RWDD1: variants seen among roughly 807,000 people sequenced by gnomAD.
RWDD1 encodes the protein RWD domain containing 1, also known as RWD domain-containing protein 1.
A neutral mutation model predicts 31.6 loss-of-function variants in RWDD1; 17 were observed. The observed-to-expected ratio is 0.54, with a 90% CI of 0.37 to 0.81. The LOEUF (loss-of-function observed/expected upper bound fraction) is 0.81, where lower values mean the gene tolerates loss of function less well. Ranked by LOEUF, RWDD1 falls within the 30% of genes least tolerant of loss-of-function variation. The pLI is 0.00. For synonymous variants in RWDD1, 78 were observed against 94.2 expected (o/e 0.83, Z 0.99); for missense variants, 204 against 274.5 (o/e 0.74, Z 1.82).
chr6:116,580,805 T>C (rs1774935088), intron 2 of RWDD1, among the ~76,000 whole-genome samples: 1 of 152,074 alleles, frequency 6.6e-6, no homozygotes, highest in South Asian at 2.1e-4. Context: ...TGTCTGCATG[T>C]TTCTGTCTCT....
In RWDD1 at chr6:116,578,468, A is replaced by C. The variant is rs1478513557; in HGVS notation, c.74-1827A>C. Among the ~76,000 whole-genome samples, 5 of 152,324 alleles carry C rather than the reference A, an allele frequency of 3.3e-5. No homozygotes were observed. The South Asian group carries it at 1.0e-3, about 32-fold the overall frequency. ...CAGTAAATGTTACCTGTTGTAATTG[A>C]GTATTGGTTACCCCTGACCTATAGC... On this transcript the variant is annotated intron_variant, in intron 1 of 6. Coordinates refer to ENST00000466444, the MANE Select transcript of RWDD1 (RefSeq NM_015952.4).
At chr6:116,583,313 G>A (rs994990659) in intron 2 of RWDD1, among the ~76,000 whole-genome samples, 1 of 152,106 alleles carries the variant, frequency 6.6e-6, no homozygotes, top group South Asian at 2.1e-4. Context: ...TATTTTTAAA[G>A]TTCCCTTTAA....
chr6:116,577,670 C>T (rs1774874149), intron 1 of RWDD1, among the ~76,000 whole-genome samples: 1 of 151,972 alleles, frequency 6.6e-6, no homozygotes, highest in South Asian at 2.1e-4. Context: ...CCATTGCTGC[C>T]GACCTAGTTC....
At chr6:116,579,842 G>A (rs1295605949) in intron 1 of RWDD1, among the ~76,000 whole-genome samples, 1 of 152,034 alleles carries the variant, frequency 6.6e-6, no homozygotes, top group Non-Finnish European at 1.5e-5. Context: ...TTAACAAATC[G>A]GTATTTACTG....
chr6:116,581,195 T>C (rs1443986545), intron 2 of RWDD1, among the ~76,000 whole-genome samples: 1 of 152,088 alleles, frequency 6.6e-6, no homozygotes, highest in East Asian at 1.9e-4. Context: ...TTTTGCAGAT[T>C]GGTATCTAAA....
chr6:116,572,366 C>T (rs1774754252), intron 1 of RWDD1: 1 of 152,312 alleles, frequency 6.6e-6, no homozygotes, highest in African/African-American at 2.4e-5. Flanking sequence ...GAGTTAGCGG[C>T]AGGGCTGGTA....
rs1775241569 is a variant in RWDD1 at position 116,596,544 on chromosome 6, T to G, written c.*3443T>G. ...GTCATAAAAATAGCCAATGATGTTT[T>G]TAATTTTACATCTAAAACTAATTTG... On this transcript the variant is annotated 3_prime_UTR_variant, in exon 7 of 7. Transcript: ENST00000466444. 6.6e-6 allele frequency: 1 copy of G among 152,226 alleles called. No homozygotes were observed. Among genetic ancestry groups the G allele is most frequent in the South Asian group, 2.1e-4 (1 of 4,836 alleles). The allele number at this position is 152,226 out of a possible 1,614,324, so 9.4% of individuals were successfully genotyped here. A position where few individuals can be genotyped will look rare whatever the true frequency, so the allele number is the denominator to read the frequency against.
At chr6:116,580,555 A>AATAT (rs1302576843) in intron 2 of RWDD1, among the ~76,000 whole-genome samples, 195 bp downstream of exon 2, 1 of 152,174 alleles carries the variant, frequency 6.6e-6, no homozygotes, top group Non-Finnish European at 1.5e-5. Flanking sequence ...AAATTAATGA[A>AATAT]ATATAGTCTG....
rs1775203197 is a variant in RWDD1, at chr6:116,594,142, T to TGAG, written c.*1042_*1043insAGG. ...TTTTTTTTTTTTTTTAAACTAGCTT[T>TGAG]GGTGGGAACTCCCTCACCCCTGCTC... On this transcript the variant is annotated 3_prime_UTR_variant, in exon 7 of 7. Transcript: ENST00000466444. 1 of 150,838 alleles carries TGAG rather than the reference T, an allele frequency of 6.6e-6. No individual in the cohort carries two copies. Among genetic ancestry groups the TGAG allele is most frequent in the African/African-American group, 2.4e-5 (1 of 40,880 alleles). The allele number at this position is 150,838 out of a possible 1,614,324, so 9.3% of individuals were successfully genotyped here.
At chr6:116,576,403 A>G (rs1774841499) in intron 1 of RWDD1, among the ~76,000 whole-genome samples, 1 of 151,958 alleles carries the variant, frequency 6.6e-6, no homozygotes, top group South Asian at 2.1e-4. Flanking sequence ...CATCTCTAAC[A>G]TTTTGGCCTC....
intron 1 of RWDD1, among the ~76,000 whole-genome samples, chr6:116,573,411 G>A (rs151024625): frequency 6.6e-6 from 1 of 152,104 alleles, no homozygotes; most frequent in African/African-American, 2.4e-5. Context: ...CAGGTATTCT[G>A]CATTATCAGA....
At chr6:116,575,887 A>C (rs1021352655) in intron 1 of RWDD1, among the ~76,000 whole-genome samples, 1 of 152,222 alleles carries the variant, frequency 6.6e-6, no homozygotes, top group Non-Finnish European at 1.5e-5. Flanking sequence ...GCAGTTTCTT[A>C]AGGAAATTTC....
rs1469531555 is a variant in RWDD1 at position 116,595,130 on chromosome 6, TA to T, written c.*2031del. 2 of 152,170 alleles carry T rather than the reference TA, an allele frequency of 1.3e-5. No homozygotes were observed. Among genetic ancestry groups the T allele is most frequent in the Non-Finnish European group, 1.5e-5 (1 of 68,026 alleles). The allele number at this position is 152,170 out of a possible 1,614,324, so 9.4% of individuals were successfully genotyped here. On this transcript the variant is annotated 3_prime_UTR_variant, in exon 7 of 7. Coordinates refer to ENST00000466444, the MANE Select transcript of RWDD1 (RefSeq NM_015952.4). ...AAGAACCTGGAAGAAGCTGCTCAAT[TA>T]AGGTTAAAAAAAATAAAAAGCAATT...
intron 2 of RWDD1, among the ~76,000 whole-genome samples, chr6:116,583,515 T>C (rs969539221): frequency 1.3e-5 from 2 of 152,036 alleles, no homozygotes; most frequent in African/African-American, 4.8e-5. Context: ...AGAGGTGATC[T>C]TAAGTGTTCT....
At chr6:116,573,488 G>A (rs1335401528) in intron 1 of RWDD1, among the ~76,000 whole-genome samples, 1 of 152,138 alleles carries the variant, frequency 6.6e-6, no homozygotes, top group Non-Finnish European at 1.5e-5. Context: ...TTAAAATGAG[G>A]TGTCTTTATT....
Position 116,572,737 on chromosome 6 carries a change from A to AT in RWDD1, c.73+1083dup, listed in dbSNP as rs1323406993. 9.7e-6 allele frequency: 4 copies of AT among 413,142 alleles called. No homozygotes were observed. The East Asian group carries it at 4.8e-4, about 50-fold the overall frequency. 25.6% of individuals were successfully genotyped at this position (413,142 alleles called of 1,614,324 possible). A position where few individuals can be genotyped will look rare whatever the true frequency, so the allele number is the denominator to read the frequency against. ...ATAGTCAGAATTTATAGTGTAAGGT[A>AT]TATTACTTTAACTTATAAATTCCAA... On this transcript the variant is annotated intron_variant, in intron 1 of 6. Transcript: ENST00000466444.
rs1322972880 is a variant in RWDD1, at chr6:116,594,586, C to T, written c.*1485C>T. 1 of 152,172 alleles carries T rather than the reference C, an allele frequency of 6.6e-6. No individual in the cohort carries two copies. Among genetic ancestry groups the T allele is most frequent in the African/African-American group, 2.4e-5 (1 of 41,432 alleles). The allele number at this position is 152,172 out of a possible 1,614,324, so 9.4% of individuals were successfully genotyped here. On this transcript the variant is annotated 3_prime_UTR_variant, in exon 7 of 7. Coordinates refer to ENST00000466444, the MANE Select transcript of RWDD1 (RefSeq NM_015952.4). ...TTTACCTCTTCTCTAATTAACCAGT[C>T]TGAAGGAGTTTGAATTTTGGGGATC...
chr6:116,584,220 A>G (rs540770901), intron 2 of RWDD1, among the ~76,000 whole-genome samples: 18 of 152,264 alleles, frequency 1.2e-4, no homozygotes, highest in South Asian at 2.1e-4. Flanking sequence ...TTAGGTTAAA[A>G]GTTTCCCATA....
chr6:116,590,673 C>T (rs1252092134), intron 5 of RWDD1, among the ~76,000 whole-genome samples: 1 of 151,524 alleles, frequency 6.6e-6, no homozygotes, highest in East Asian at 1.9e-4. Context: ...AGAGTCAAAC[C>T]CATTTGTTTT....
Sources: allele counts gnomAD v4.1 joint callset (sites outside exome capture counted in the v4.1 genomes callset), GRCh38; gene constraint gnomAD v4.1.1; transcripts MANE v1.5; gene names NCBI Gene and HGNC (gene_info 2026-07-23, HGNC 2026-07-21).